The following ERC2 variants were observed in gnomAD, a reference collection of about 807,000 sequenced individuals.
ERC2 encodes ELKS/RAB6-interacting/CAST family member 2, also known as ERC protein 2.
Under a neutral mutation model 114.8 loss-of-function variants are expected in ERC2, and 42 were observed. That is an observed-to-expected ratio of 0.37 (90% CI 0.29 to 0.47). The LOEUF (loss-of-function observed/expected upper bound fraction) is 0.47, where lower values mean the gene tolerates loss of function less well. Among genes scored for constraint, ERC2 ranks in the 20% least tolerant of loss-of-function variants. The pLI is 0.99. For synonymous variants in ERC2, 454 were observed against 425.5 expected, an observed-to-expected ratio of 1.07 and a Z score of -0.82; for missense variants, 939 against 1,150.7, an observed-to-expected ratio of 0.82 and a Z score of 2.66.
intron 2 of ERC2, among the ~76,000 whole-genome samples, chr3:56,403,652 G>A (rs1043092349): frequency 6.6e-6 from 1 of 152,182 alleles, no homozygotes; most frequent in African/African-American, 2.4e-5. Context: ...AGATCCCCAG[G>A]TAATTAGTGT....
At chr3:55,583,661 A>G (rs2057437134) in intron 17 of ERC2, among the ~76,000 whole-genome samples, 1 of 150,378 alleles carries the variant, frequency 6.6e-6, no homozygotes, top group African/African-American at 2.5e-5. Flanking sequence ...AGTCTATGCT[A>G]GCAACTATGG....
chr3:55,661,901 C>T (rs1237481639), intron 17 of ERC2, among the ~76,000 whole-genome samples: 2 of 151,936 alleles, frequency 1.3e-5, no homozygotes, highest in African/African-American at 4.8e-5. Context: ...CTTTTCAATC[C>T]ATTTATCAGG....
chr3:55,732,164 G>T (rs1247413976), intron 15 of ERC2, among the ~76,000 whole-genome samples: 2 of 152,158 alleles, frequency 1.3e-5, no homozygotes, highest in Non-Finnish European at 2.9e-5. Context: ...CATGGTTGCT[G>T]TGAGGACTAT....
intron 17 of ERC2, among the ~76,000 whole-genome samples, chr3:55,607,299 G>T (rs1237078407): frequency 1.3e-5 from 2 of 152,208 alleles, no homozygotes; most frequent in East Asian, 3.9e-4. Context: ...GGGGTGAGTG[G>T]TCAGGGAAGG....
At chr3:55,527,347 A>T (rs1055305155) in intron 17 of ERC2, among the ~76,000 whole-genome samples, 5 of 152,210 alleles carry the variant, frequency 3.3e-5, no homozygotes, top group Non-Finnish European at 2.9e-5. Flanking sequence ...AGGGCTCAAT[A>T]AATATTAGTC....
intron 2 of ERC2, among the ~76,000 whole-genome samples, chr3:56,407,473 A>G (rs966051920): frequency 6.6e-6 from 1 of 152,184 alleles, no homozygotes; most frequent in Non-Finnish European, 1.5e-5. Flanking sequence ...CCCACACTGG[A>G]CCTTCTGCAT....
At chr3:56,048,590 C>T (rs1429882618) in intron 7 of ERC2, among the ~76,000 whole-genome samples, 2 of 152,172 alleles carry the variant, frequency 1.3e-5, no homozygotes, top group Non-Finnish European at 2.9e-5. Flanking sequence ...AGTTTCAAGA[C>T]AGCATAGGAA....
Position 55,821,467 on chromosome 3 carries a change from C to T in ERC2, c.2564+66922G>A, listed in dbSNP as rs1454530081. Reference sequence around the variant, plus strand: ...CCCCATTCCCTTACTGACCAACCACCTATATTTTATCATTTTTATTGAAGC... The same window carrying T: ...CCCCATTCCCTTACTGACCAACCACTTATATTTTATCATTTTTATTGAAGC... On this transcript the variant is annotated intron_variant, in intron 14 of 17. Coordinates refer to ENST00000288221, the MANE Select transcript of ERC2 (RefSeq NM_015576.3). Among the ~76,000 whole-genome samples the T allele has an allele frequency of 2.0e-5, 3 of 152,154 alleles. No individual in the cohort carries two copies. The South Asian group carries it at 6.2e-4, about 32-fold the overall frequency.
intron 14 of ERC2, among the ~76,000 whole-genome samples, chr3:55,843,951 C>T (rs2061244937): frequency 6.6e-6 from 1 of 152,234 alleles, no homozygotes; most frequent in Non-Finnish European, 1.5e-5. Context: ...TGGGCATTTA[C>T]ACCCAATTTA....
chr3:56,017,684 C>T (rs2073400760), intron 8 of ERC2, among the ~76,000 whole-genome samples: 1 of 152,118 alleles, frequency 6.6e-6, no homozygotes, highest in Non-Finnish European at 1.5e-5. Flanking sequence ...CCAGCACTCC[C>T]TGTACCCCTC....
In ERC2 at chr3:55,528,128, A is replaced by T. The variant is rs1457645624; in HGVS notation, c.*40-16852T>A. Among the ~76,000 whole-genome samples the T allele has an allele frequency of 4.6e-5, 7 of 152,236 alleles. 1 individual carries two copies. The highest frequency in any genetic ancestry group is 3.3e-4 in the Admixed American group (5 of 15,282). On this transcript the variant is annotated intron_variant, in intron 17 of 17. Transcript: ENST00000288221. ...CAGATTGGAAAAAAGAACCTGAAGG[A>T]AATGGCCCAAGATAAAAATGCATTA...
chr3:55,749,535 T>C (rs1449970953), intron 14 of ERC2, among the ~76,000 whole-genome samples: 1 of 152,048 alleles, frequency 6.6e-6, no homozygotes, highest in African/African-American at 2.4e-5. Flanking sequence ...CACAAGAGGA[T>C]TGTAAAATGC....
At chr3:56,225,152 C>T (rs1474506920) in intron 3 of ERC2, among the ~76,000 whole-genome samples, 1 of 152,130 alleles carries the variant, frequency 6.6e-6, no homozygotes, top group Non-Finnish European at 1.5e-5. Context: ...ATTTTCTCCA[C>T]TCCCACCATG....
chr3:55,976,706 G>A (rs948381370), intron 12 of ERC2, among the ~76,000 whole-genome samples: 4 of 152,140 alleles, frequency 2.6e-5, no homozygotes, highest in Non-Finnish European at 5.9e-5. Context: ...AAGAGCAAAT[G>A]ATGAAAGTGA....
chr3:56,089,070 T>TGCA (rs2077652181), intron 6 of ERC2, among the ~76,000 whole-genome samples: 1 of 152,154 alleles, frequency 6.6e-6, no homozygotes, highest in African/African-American at 2.4e-5. Flanking sequence ...CAGCATACAC[T>TGCA]CTATGGTATG....
intron 3 of ERC2, among the ~76,000 whole-genome samples, chr3:56,259,045 C>T (rs2052726573): frequency 1.3e-5 from 2 of 150,382 alleles, no homozygotes; most frequent in African/African-American, 4.9e-5. Flanking sequence ...ATGATCTCGG[C>T]TCACAGCAAA....
At chr3:55,898,605 C>T (rs2063956061) in intron 13 of ERC2, among the ~76,000 whole-genome samples, 1 of 152,116 alleles carries the variant, frequency 6.6e-6, no homozygotes, top group South Asian at 2.1e-4. Context: ...GCTTGGCACA[C>T]AGTAAGCATG....
intron 1 of ERC2, among the ~76,000 whole-genome samples, chr3:56,463,723 T>C (rs2063419118): frequency 6.6e-6 from 1 of 152,232 alleles, no homozygotes; most frequent in South Asian, 2.1e-4. Flanking sequence ...GAATAACTCA[T>C]TATATCCATG....
At chr3:55,632,329 T>C (rs2059789524) in intron 17 of ERC2, among the ~76,000 whole-genome samples, 1 of 152,200 alleles carries the variant, frequency 6.6e-6, no homozygotes, top group African/African-American at 2.4e-5. Flanking sequence ...GAGAACTAAC[T>C]GATTGGAGAA....
Sources: gnomAD v4.1 joint callset for allele counts (sites outside exome capture counted in the v4.1 genomes callset) on GRCh38, gnomAD v4.1.1 for gene constraint, MANE v1.5 for transcripts, NCBI Gene and HGNC (gene_info 2026-07-23, HGNC 2026-07-21) for gene names.